Variants in DAP3 observed in about 807,000 individuals in gnomAD.
DAP3 encodes small ribosomal subunit protein mS29.
DAP3 carries 28 observed loss-of-function variants against 51.9 expected under a neutral mutation model. That is an observed-to-expected ratio of 0.54 (90% CI 0.40 to 0.74). The LOEUF is 0.74. Ranked by LOEUF, DAP3 falls within the 30% of genes least tolerant of loss-of-function variation. The pLI is 0.00. For synonymous variants in DAP3, 170 were observed against 170.3 expected (o/e 1.00, Z 0.01); for missense variants, 458 against 483.5 (o/e 0.95, Z 0.49).
rs186517382 is a variant in DAP3 at position 155,709,622 on chromosome 1, C to T, written c.-7-151C>T. Among the ~76,000 whole-genome samples the T allele has an allele frequency of 4.0e-4, 61 of 152,128 alleles. No homozygotes were observed. The East Asian group carries it at 0.011, about 27-fold the overall frequency. On this transcript the variant is annotated intron_variant, in intron 1 of 12. Coordinates refer to ENST00000368336, the MANE Select transcript of DAP3 (RefSeq NM_004632.4). ...GAAATGCCTGTTCATGCCTTTTGCT[C>T]ATTTTTTTAATGAAGCTGTAGGCAT...
At position 155,738,972 on chromosome 1, in the gene DAP3, AAAATAAATAAATAAATAAAT is replaced by A. The variant is rs6143433; in HGVS notation, c.*745_*764del. 1 of 144,506 alleles carries A rather than the reference AAAATAAATAAATAAATAAAT, an allele frequency of 6.9e-6. No individual in the cohort carries two copies. Among genetic ancestry groups the A allele is most frequent in the East Asian group, 2.2e-4 (1 of 4,628 alleles). 9.0% of individuals were successfully genotyped at this position (144,506 alleles called of 1,614,324 possible). A position where few individuals can be genotyped will look rare whatever the true frequency, so the allele number is the denominator to read the frequency against. ...GGGCAGCAGAGCAAGACTCCGTCTCAAAATAAATAAATAAATAAATAAATAAATAAATAATAAATGTATAC... is the reference window on the plus strand; with the variant it reads ...GGGCAGCAGAGCAAGACTCCGTCTCAAAATAAATAAATAATAAATGTATAC... On this transcript the variant is annotated 3_prime_UTR_variant, in exon 13 of 13. Transcript: ENST00000368336.
At chr1:155,729,170 CCTCT>C in intron 8 of DAP3, 34 bp from the exon 9 acceptor site, 3 of 1,614,040 alleles carry the variant, frequency 1.9e-6, no homozygotes, top group Non-Finnish European at 2.5e-6. Flanking sequence ...CAAGAGAAGG[CCTCT>C]GGTAGCACTA....
intron 11 of DAP3, among the ~76,000 whole-genome samples, chr1:155,735,681 AT>A: frequency 6.8e-6 from 1 of 147,944 alleles, no homozygotes; most frequent in African/African-American, 2.5e-5. Context: ...TTTTTATTTT[AT>A]TTTATTTGAG....
chr1:155,702,694 G>A (rs1655462147), intron 1 of DAP3, among the ~76,000 whole-genome samples: 1 of 152,080 alleles, frequency 6.6e-6, no homozygotes, highest in African/African-American at 2.4e-5. Context: ...GACCAGGCCG[G>A]GCACGATGGC....
chr1:155,696,249 A>C (rs1156256954), intron 1 of DAP3, among the ~76,000 whole-genome samples: 4 of 152,216 alleles, frequency 2.6e-5, no homozygotes, highest in African/African-American at 9.6e-5. Flanking sequence ...TGAAAAGGCA[A>C]GACTGAGTCA....
intron 2 of DAP3, 168 bp downstream of exon 2, chr1:155,709,992 TTAATA>T (rs1316283626): frequency 3.8e-6 from 2 of 530,590 alleles, no homozygotes; most frequent in Non-Finnish European, 6.6e-6. Flanking sequence ...AATAGGAGAA[TTAATA>T]TTTTTCCAGA....
At chr1:155,718,420 C>T (rs1657569411) in intron 3 of DAP3, among the ~76,000 whole-genome samples, 1 of 151,832 alleles carries the variant, frequency 6.6e-6, no homozygotes, top group Admixed American at 6.6e-5. Flanking sequence ...TGAGGTGGCT[C>T]ACGCCTGTAA....
chr1:155,721,043 A>C (rs980693931), intron 3 of DAP3, among the ~76,000 whole-genome samples: 2 of 147,842 alleles, frequency 1.4e-5, no homozygotes, highest in African/African-American at 5.0e-5. Flanking sequence ...TCTCAAAAAA[A>C]AAAGAAGACA....
At chr1:155,729,734 T>C (rs1042058929) in intron 9 of DAP3, among the ~76,000 whole-genome samples, 1 of 152,060 alleles carries the variant, frequency 6.6e-6, no homozygotes, top group Non-Finnish European at 1.5e-5. Context: ...TAGTGTGGCA[T>C]GATTGCAACA....
rs1467549169 is a variant in DAP3, at chr1:155,689,117, C to T, written c.-65C>T. On this transcript the variant is annotated 5_prime_UTR_variant, in exon 1 of 13. Transcript: ENST00000368336. ...CAGTCTCAGGACGGGCGCTTTGGAGCCGGCCCCAGGCAGCGTGTGTCGGTC... is the reference window on the plus strand; with the variant it reads ...CAGTCTCAGGACGGGCGCTTTGGAGTCGGCCCCAGGCAGCGTGTGTCGGTC... The T allele has an allele frequency of 1.8e-6, 2 of 1,141,370 alleles. No individual in the cohort carries two copies. The highest frequency in any genetic ancestry group is 2.5e-6 in the Non-Finnish European group (2 of 793,624). 70.7% of individuals were successfully genotyped at this position (1,141,370 alleles called of 1,614,324 possible). A position where few individuals can be genotyped will look rare whatever the true frequency, so the allele number is the denominator to read the frequency against.
At chr1:155,704,909 G>T (rs940626729) in intron 1 of DAP3, among the ~76,000 whole-genome samples, 6 of 151,834 alleles carry the variant, frequency 4.0e-5, no homozygotes, top group African/African-American at 1.5e-4. Flanking sequence ...AACTCGGGAA[G>T]TGGATGTTGC....
intron 12 of DAP3, among the ~76,000 whole-genome samples, chr1:155,737,447 C>CTAAG (rs1185676792): frequency 6.6e-6 from 1 of 152,172 alleles, no homozygotes. Flanking sequence ...ACTCCAGCAC[C>CTAAG]TAAGTAAATC....
At chr1:155,693,174 C>T (rs1478823123) in intron 1 of DAP3, among the ~76,000 whole-genome samples, 6 of 141,630 alleles carry the variant, frequency 4.2e-5, no homozygotes, top group East Asian at 1.9e-4. Flanking sequence ...TCACATCAAA[C>T]GTGGAATCAA....
At chr1:155,710,893 G>T (rs1484622095) in intron 2 of DAP3, among the ~76,000 whole-genome samples, 1 of 152,064 alleles carries the variant, frequency 6.6e-6, no homozygotes, top group Admixed American at 6.6e-5. Flanking sequence ...GACTATTTCA[G>T]TATGGTGCTC....
Position 155,731,970 on chromosome 1 carries a change from G to C in DAP3, c.930G>C (p.Leu310Phe). ...DWHGGAIVSALSQTGSLFKPR... is the reference protein window; with the variant it reads ...DWHGGAIVSAFSQTGSLFKPR... ...ATGGAGGCGCCATTGTGTCGGCTTT[G>C]AGCCAGACTGGGTCTCTCTTTAAGC... Residue 310 changes from leucine to phenylalanine, a missense_variant, in exon 11 of 13, where the codon TTG (leucine) becomes TTC (phenylalanine). Transcript: ENST00000368336. 1 of 1,611,806 alleles carries C rather than the reference G, an allele frequency of 6.2e-7. No homozygotes were observed. The highest frequency in any genetic ancestry group is 8.5e-7 in the Non-Finnish European group (1 of 1,179,028).
intron 1 of DAP3, among the ~76,000 whole-genome samples, chr1:155,699,343 C>G (rs999839506): frequency 6.6e-6 from 1 of 152,156 alleles, no homozygotes; most frequent in East Asian, 1.9e-4. Flanking sequence ...TTCAGAGGAG[C>G]GTCTTTCTTC....
At chr1:155,726,110 T>TTTA in intron 6 of DAP3, 91 bp downstream of exon 6, 1 of 1,133,526 alleles carries the variant, frequency 8.8e-7, no homozygotes, top group Non-Finnish European at 1.2e-6. Flanking sequence ...TTTCTTTTCT[T>TTTA]TTCTTTTTTT....
intron 1 of DAP3, chr1:155,689,658 A>C (rs1653409461): frequency 1.2e-5 from 4 of 345,346 alleles, no homozygotes; most frequent in Non-Finnish European, 1.1e-5. Flanking sequence ...TCACGCCTGT[A>C]ATCCCAGCAC....
chr1:155,736,030 G>A (rs1557804166), intron 11 of DAP3, among the ~76,000 whole-genome samples: 1 of 151,704 alleles, frequency 6.6e-6, no homozygotes, highest in African/African-American at 2.4e-5. Context: ...TAGTAGAGAT[G>A]GGGTTTCACC....
Sources: allele counts gnomAD v4.1 joint callset (sites outside exome capture counted in the v4.1 genomes callset), GRCh38; gene constraint gnomAD v4.1.1; transcripts MANE v1.5; gene names NCBI Gene and HGNC (gene_info 2026-07-23, HGNC 2026-07-21).